Variants in DMD observed in about 807,000 individuals in gnomAD.
The protein encoded by DMD is dystrophin.
Under a neutral mutation model 330.1 loss-of-function variants are expected in DMD, and 63 were observed. That is an observed-to-expected ratio of 0.19 (90% CI 0.16 to 0.24). DMD has a LOEUF of 0.24. Ranked by LOEUF, DMD falls within the 10% of genes least tolerant of loss-of-function variation. The probability of loss-of-function intolerance (pLI) is 1.00; values close to 1 mark genes in which losing one functional copy is unlikely to be tolerated. For synonymous variants in DMD, 1,223 were observed against 959.8 expected, an observed-to-expected ratio of 1.27 and a Z score of -5.07; for missense variants, 3,344 against 2,684.1, an observed-to-expected ratio of 1.25 and a Z score of -5.43.
chrX:33,041,633 A>G (rs879118495), intron 1 of DMD: 15 of 1,207,653 alleles, frequency 1.2e-5, no homozygotes, highest in African/African-American at 3.5e-5. Flanking sequence ...GATCTTCAAC[A>G]GATATTAGAA....
intron 2 of DMD, among the ~76,000 whole-genome samples, chrX:32,964,276 T>C (rs1408789753): frequency 1.3e-5 from 1 of 78,628 alleles, no homozygotes; most frequent in African/African-American, 5.5e-5. Context: ...AAAAAAAAAA[T>C]TCACTGGCAA....
intron 21 of DMD, among the ~76,000 whole-genome samples, chrX:32,473,580 T>C (rs746855854): frequency 2.7e-5 from 3 of 111,670 alleles, no homozygotes; most frequent in African/African-American, 9.7e-5. Flanking sequence ...AGGAAAGTAT[T>C]TTGCATGTAT....
intron 7 of DMD, among the ~76,000 whole-genome samples, chrX:32,757,873 A>T (rs1240079013): frequency 9.0e-6 from 1 of 110,975 alleles, no homozygotes; most frequent in East Asian, 2.9e-4. Context: ...CCATCAACCC[A>T]TCTCTCATTT....
At chrX:32,559,021 G>T (rs911795318) in intron 16 of DMD, among the ~76,000 whole-genome samples, 1 of 93,847 alleles carries the variant, frequency 1.1e-5, no homozygotes, top group East Asian at 3.6e-4. Context: ...CATGATCTCG[G>T]CTCACTGCAA....
At chrX:31,208,148 G>A (rs1311491695) in intron 65 of DMD, among the ~76,000 whole-genome samples, 3 of 111,780 alleles carry the variant, frequency 2.7e-5, no homozygotes, top group African/African-American at 9.8e-5. Context: ...ACAAAGGATA[G>A]GTCCCAATGG....
chrX:32,319,652 T>C (rs928097084), intron 41 of DMD, among the ~76,000 whole-genome samples: 2 of 111,546 alleles, frequency 1.8e-5, no homozygotes, highest in African/African-American at 6.5e-5. Context: ...CATGCTATTG[T>C]ACATGCGTGC....
intron 55 of DMD, among the ~76,000 whole-genome samples, chrX:31,585,621 G>A (rs2076565013): frequency 9.1e-6 from 1 of 109,456 alleles, no homozygotes; most frequent in African/African-American, 3.3e-5. Context: ...CAGCTCTGTT[G>A]GTGATAATTT....
At chrX:33,255,133 G>A (rs954047058) in intron 1 of DMD, among the ~76,000 whole-genome samples, 1 of 110,722 alleles carries the variant, frequency 9.0e-6, no homozygotes, top group Middle Eastern at 4.3e-3. Flanking sequence ...ATCATGAACA[G>A]ATATTTACCA....
intron 1 of DMD, among the ~76,000 whole-genome samples, chrX:33,172,206 G>C (rs1036903158): frequency 9.0e-6 from 1 of 110,847 alleles, no homozygotes; most frequent in Admixed American, 9.7e-5. Flanking sequence ...ATATATTACA[G>C]TATTTTCTGC....
intron 43 of DMD, among the ~76,000 whole-genome samples, chrX:32,231,368 G>T (rs1469397747): frequency 1.8e-5 from 2 of 111,914 alleles, no homozygotes; most frequent in African/African-American, 6.5e-5. Context: ...ATAAAAAATA[G>T]AAAGGTATGA....
chrX:31,388,607 A>C (rs1195058893), intron 60 of DMD, among the ~76,000 whole-genome samples: 1 of 111,959 alleles, frequency 8.9e-6, no homozygotes, highest in African/African-American at 3.2e-5. Context: ...TGAAAGTCAA[A>C]ATGGTTAAAT....
At chrX:32,822,250 A>G (rs1449454827) in intron 5 of DMD, among the ~76,000 whole-genome samples, 1 of 110,894 alleles carries the variant, frequency 9.0e-6, no homozygotes, top group Non-Finnish European at 1.9e-5. Flanking sequence ...ATACATACAC[A>G]TTTATTTTTA....
chrX:31,336,230 A>T (rs990830327), intron 61 of DMD, among the ~76,000 whole-genome samples: 3 of 112,439 alleles, frequency 2.7e-5, no homozygotes, highest in Non-Finnish European at 5.6e-5. Context: ...AGGCATTGGT[A>T]TAAAGGAGTG....
intron 13 of DMD, among the ~76,000 whole-genome samples, chrX:32,581,686 T>C (rs1317841049): frequency 8.9e-6 from 1 of 111,914 alleles, no homozygotes; most frequent in African/African-American, 3.2e-5. Context: ...ATTTCCCATT[T>C]GCAAATTCCA....
intron 43 of DMD, among the ~76,000 whole-genome samples, chrX:32,233,746 C>T (rs1326310669): frequency 9.2e-6 from 1 of 108,900 alleles, no homozygotes; most frequent in Non-Finnish European, 1.9e-5. Flanking sequence ...GATTCTCTTG[C>T]CTTAGCCTCC....
chrX:32,238,817 A>G (rs978634335), intron 43 of DMD, among the ~76,000 whole-genome samples: 8 of 111,424 alleles, frequency 7.2e-5, no homozygotes, highest in Non-Finnish European at 1.5e-4. Flanking sequence ...TTTTTGTAAA[A>G]ATTTATGATG....
chrX:31,750,147 A>C (rs903692878), intron 51 of DMD, among the ~76,000 whole-genome samples: 3 of 110,148 alleles, frequency 2.7e-5, no homozygotes, highest in African/African-American at 6.6e-5. Flanking sequence ...TCTTTAGTTT[A>C]GTTAGATCCC....
intron 43 of DMD, among the ~76,000 whole-genome samples, chrX:32,241,170 A>G (rs1294677003): frequency 8.9e-6 from 1 of 112,080 alleles, no homozygotes; most frequent in East Asian, 2.8e-4. Flanking sequence ...TGTCATTTCT[A>G]TTGGAGGTCC....
intron 2 of DMD, among the ~76,000 whole-genome samples, chrX:32,877,888 T>C (rs2083500472): frequency 8.9e-6 from 1 of 111,920 alleles, no homozygotes; most frequent in African/African-American, 3.2e-5. Flanking sequence ...TGCCTGCGAT[T>C]GCTCCTTGCA....
Sources: allele counts gnomAD v4.1 joint callset (sites outside exome capture counted in the v4.1 genomes callset), GRCh38; gene constraint gnomAD v4.1.1; transcripts MANE v1.5; gene names NCBI Gene and HGNC (gene_info 2026-07-23, HGNC 2026-07-21).